The following UBR1 variants were observed in gnomAD, a reference collection of about 807,000 sequenced individuals.
UBR1 encodes the protein ubiquitin protein ligase E3 component n-recognin 1.
In UBR1, 102 loss-of-function variants were observed where a neutral mutation model predicts 242.1. The observed-to-expected ratio is 0.42, with a 90% CI of 0.36 to 0.50. The LOEUF is 0.50. Ranked by LOEUF, UBR1 falls within the 20% of genes least tolerant of loss-of-function variation. UBR1 has a pLI of 0.01. For synonymous variants in UBR1, 675 were observed against 684.8 expected, an observed-to-expected ratio of 0.99 and a Z score of 0.22; for missense variants, 1,772 against 2,101.8, an observed-to-expected ratio of 0.84 and a Z score of 3.07.
chr15:43,020,125 C>T (rs1034129976), intron 27 of UBR1, among the ~76,000 whole-genome samples: 4 of 152,006 alleles, frequency 2.6e-5, no homozygotes, highest in African/African-American at 4.8e-5. Flanking sequence ...CCGCAATCTC[C>T]ACCTCCCTGG....
intron 14 of UBR1, among the ~76,000 whole-genome samples, chr15:43,045,212 A>T (rs2033469228): frequency 6.6e-6 from 1 of 152,168 alleles, no homozygotes; most frequent in Non-Finnish European, 1.5e-5. Context: ...TAATCCCAGC[A>T]CTTTGGGAGG....
chr15:42,946,718 T>TTTTTC (rs765414205), intron 46 of UBR1, among the ~76,000 whole-genome samples: 2 of 152,204 alleles, frequency 1.3e-5, no homozygotes, highest in Non-Finnish European at 2.9e-5. Context: ...ACTTTTGAGA[T>TTTTTC]CACTGTCAGT....
chr15:43,093,615 T>C (rs1201800327), intron 1 of UBR1, among the ~76,000 whole-genome samples: 1 of 151,714 alleles, frequency 6.6e-6, no homozygotes, highest in African/African-American at 2.4e-5. Context: ...ACCCCATCTC[T>C]ACAAAAAAAC....
At chr15:42,962,646 C>T (rs770744843) in intron 42 of UBR1, among the ~76,000 whole-genome samples, 33 of 152,222 alleles carry the variant, frequency 2.2e-4, no homozygotes, top group Middle Eastern at 6.8e-3. Flanking sequence ...CCTGCCACCA[C>T]GCCTGGCTAA....
intron 1 of UBR1, among the ~76,000 whole-genome samples, chr15:43,102,967 G>A (rs930883216): frequency 3.9e-5 from 6 of 152,148 alleles, no homozygotes; most frequent in South Asian, 4.1e-4. Context: ...TCAGGAGTTC[G>A]AGACCAGCCT....
rs2031687885 is a variant in UBR1 at position 42,943,780 on chromosome 15, T to C, written c.*1549A>G. The C allele has an allele frequency of 6.6e-6, 1 of 152,272 alleles. No homozygotes were observed. The highest frequency in any genetic ancestry group is 6.5e-5 in the Admixed American group (1 of 15,280). The allele number at this position is 152,272 out of a possible 1,614,324, so 9.4% of individuals were successfully genotyped here. A position where few individuals can be genotyped will look rare whatever the true frequency, so the allele number is the denominator to read the frequency against. ...CTGACAAACTGAATACTGAATTTCC[T>C]GATCCTTACCTGTTATTGTTACAAA... On this transcript the variant is annotated 3_prime_UTR_variant, in exon 47 of 47. Transcript: ENST00000290650.
chr15:42,974,865 T>G (rs1182860650), intron 39 of UBR1, among the ~76,000 whole-genome samples: 1 of 152,148 alleles, frequency 6.6e-6, no homozygotes, highest in Non-Finnish European at 1.5e-5. Flanking sequence ...CATGAGCCAC[T>G]GGGCTTGGCT....
chr15:43,075,700 C>G (rs1032282648), intron 3 of UBR1, among the ~76,000 whole-genome samples: 3 of 151,628 alleles, frequency 2.0e-5, no homozygotes, highest in African/African-American at 7.3e-5. Flanking sequence ...ACCGCAACCT[C>G]TGCCTCCCGG....
intron 6 of UBR1, among the ~76,000 whole-genome samples, chr15:43,063,726 T>G (rs963858914): frequency 6.6e-6 from 1 of 152,214 alleles, no homozygotes; most frequent in Non-Finnish European, 1.5e-5. Context: ...GCCTTTTTTT[T>G]TTTTAATTAT....
intron 1 of UBR1, among the ~76,000 whole-genome samples, chr15:43,100,663 C>T (rs955472137): frequency 1.4e-4 from 21 of 152,020 alleles, no homozygotes; most frequent in Non-Finnish European, 2.5e-4. Context: ...GGTGAAACCC[C>T]GTCTCTACTA....
intron 26 of UBR1, among the ~76,000 whole-genome samples, chr15:43,022,396 G>A (rs2033121197): frequency 6.7e-6 from 1 of 148,308 alleles, no homozygotes; most frequent in South Asian, 2.1e-4. Flanking sequence ...ATAATACTGA[G>A]ATGAGGAATG....
intron 1 of UBR1, among the ~76,000 whole-genome samples, chr15:43,105,589 T>C (rs2034286539): frequency 6.6e-6 from 1 of 152,064 alleles, no homozygotes; most frequent in Non-Finnish European, 1.5e-5. Context: ...GTTCCCATCA[T>C]CAAGAGTAAA....
At chr15:42,978,199 C>T (rs745854573) in intron 37 of UBR1, among the ~76,000 whole-genome samples, 1 of 152,144 alleles carries the variant, frequency 6.6e-6, no homozygotes, top group African/African-American at 2.4e-5. Context: ...TGAACTAGGA[C>T]AACTGAAATA....
intron 33 of UBR1, among the ~76,000 whole-genome samples, chr15:42,991,450 G>C (rs2032556496): frequency 6.6e-6 from 1 of 151,936 alleles, no homozygotes; most frequent in Non-Finnish European, 1.5e-5. Flanking sequence ...TCTGAGTGTG[G>C]TTTTCTTATC....
intron 44 of UBR1, 124 bp from the exon 45 acceptor site, chr15:42,952,572 T>TGCC: frequency 1.8e-6 from 2 of 1,090,064 alleles, no homozygotes; most frequent in South Asian, 2.6e-5. Context: ...AGGAAGCTCT[T>TGCC]AAAACACAAG....
At chr15:43,011,029 T>C (rs1486698275) in intron 29 of UBR1, among the ~76,000 whole-genome samples, 2 of 151,058 alleles carry the variant, frequency 1.3e-5, no homozygotes, top group African/African-American at 2.4e-5. Context: ...AAATTTTAGC[T>C]AGGTGTGGTG....
At chr15:42,950,538 CTT>C (rs1266853956) in intron 45 of UBR1, 175 bp from the exon 46 acceptor site, 3 of 622,562 alleles carry the variant, frequency 4.8e-6, no homozygotes, top group South Asian at 1.9e-5. Flanking sequence ...AAAGAGAACA[CTT>C]ATTGCTATTT....
intron 5 of UBR1, among the ~76,000 whole-genome samples, chr15:43,069,694 G>T (rs916166133): frequency 1.3e-5 from 2 of 152,138 alleles, no homozygotes; most frequent in African/African-American, 4.8e-5. Context: ...AGACTAAAGG[G>T]GTTAAAAGGC....
At chr15:42,994,698 C>T (rs1429005543) in intron 33 of UBR1, among the ~76,000 whole-genome samples, 1 of 152,122 alleles carries the variant, frequency 6.6e-6, no homozygotes, top group African/African-American at 2.4e-5. Flanking sequence ...CTCTGCAATC[C>T]TTCCTTTACA....
Sources: allele counts gnomAD v4.1 joint callset (sites outside exome capture counted in the v4.1 genomes callset), GRCh38; gene constraint gnomAD v4.1.1; transcripts MANE v1.5; gene names NCBI Gene and HGNC (gene_info 2026-07-23, HGNC 2026-07-21).